EMC1: variants seen among roughly 807,000 people sequenced by gnomAD.
The protein encoded by EMC1 is KIAA0090.
Under a neutral mutation model 128.8 loss-of-function variants are expected in EMC1, and 103 were observed. The ratio of observed to expected loss-of-function variants is 0.80; its 90% CI spans 0.68 to 0.94. The LOEUF (loss-of-function observed/expected upper bound fraction) is 0.94, where lower values mean the gene tolerates loss of function less well. EMC1 is among the 40% of genes least tolerant of loss of function. The pLI is 0.00. For synonymous variants in EMC1, 442 were observed against 490.4 expected, an observed-to-expected ratio of 0.90 and a Z score of 1.30; for missense variants, 1,083 against 1,250.6, an observed-to-expected ratio of 0.87 and a Z score of 2.02.
At chr1:19,240,082 A>T in intron 7 of EMC1, 97 bp from the exon 8 acceptor site, 1 of 1,343,556 alleles carries the variant, frequency 7.4e-7, no homozygotes. Context: ...CGGGGGAAGT[A>T]ACTGGGCCAT....
At chr1:19,251,322 G>T in intron 1 of EMC1, 93 bp downstream of exon 1, 2 of 1,201,068 alleles carry the variant, frequency 1.7e-6, no homozygotes, top group Non-Finnish European at 2.4e-6. Flanking sequence ...AAATTATGCG[G>T]CCAATCCTGT....
At position 19,222,848 on chromosome 1, in the gene EMC1, A is replaced by T; in HGVS notation, c.2377-14T>A. ...CCAGTACTGGTACTGCAGGGATAGGAGGTGGCAGCTCAGGGCTTAGCAGCT... is the reference window on the plus strand; with the variant it reads ...CCAGTACTGGTACTGCAGGGATAGGTGGTGGCAGCTCAGGGCTTAGCAGCT... On this transcript the variant is annotated splice_polypyrimidine_tract_variant and intron_variant, in intron 19 of 22. Coordinates refer to ENST00000477853, the MANE Select transcript of EMC1 (RefSeq NM_015047.3). The T allele has an allele frequency of 6.3e-7, 1 of 1,589,456 alleles. No homozygotes were observed. Among genetic ancestry groups the T allele is most frequent in the Non-Finnish European group, 8.6e-7 (1 of 1,163,382 alleles).
At chr1:19,240,915 T>C in intron 6 of EMC1, 101 bp downstream of exon 6, 2 of 1,374,752 alleles carry the variant, frequency 1.5e-6, no homozygotes, top group South Asian at 2.7e-5. Flanking sequence ...TAAGTAGCTT[T>C]TGCATCTGCC....
chr1:19,222,615 G>C lies in EMC1; in HGVS notation c.2587+9C>G, dbSNP rs1558091455. 1 of 1,612,786 alleles carries C rather than the reference G, an allele frequency of 6.2e-7. No homozygotes were observed. The highest frequency in any genetic ancestry group is 1.1e-5 in the South Asian group (1 of 91,002). ...ACCCAGCCATCCCAGAGGCTCCCCA[G>C]TCACTCACTCAGCAGGTGTCGGCTG... is the stretch of plus-strand genomic sequence containing the variant. On this transcript the variant is annotated intron_variant, in intron 20 of 22. Coordinates refer to ENST00000477853, the MANE Select transcript of EMC1 (RefSeq NM_015047.3).
chr1:19,242,998 G>C (rs565184109), intron 4 of EMC1, among the ~76,000 whole-genome samples: 1 of 152,352 alleles, frequency 6.6e-6, no homozygotes, highest in East Asian at 1.9e-4. Flanking sequence ...AACACTTTGA[G>C]AGGCTGAGGT....
chr1:19,250,947 C>T (rs923074924), intron 1 of EMC1, among the ~76,000 whole-genome samples: 2 of 152,308 alleles, frequency 1.3e-5, no homozygotes, highest in Middle Eastern at 3.4e-3. Flanking sequence ...AGCCCAGGGC[C>T]AGACTAGGTT....
intron 20 of EMC1, 118 bp downstream of exon 20, chr1:19,222,503 TCAC>T: frequency 5.9e-6 from 5 of 846,082 alleles, no homozygotes; most frequent in Non-Finnish European, 9.6e-6. Flanking sequence ...ATAGCCCTCC[TCAC>T]CACCTTTCCC....
In EMC1 at chr1:19,232,756, G is replaced by A. The variant is rs553853675; in HGVS notation, c.1650C>T (p.Ser550=). The change falls in exon 15 of 23, where the codon AGC becomes AGT. Residue 550 remains serine (S), a synonymous_variant. Coordinates refer to ENST00000477853, the MANE Select transcript of EMC1 (RefSeq NM_015047.3). ...GTTTCCACAGGATGGTGCCAGAGCT[G>A]CTCTCAATGCCAAAAAGCTGCAAGA... ...TASGKLFGIE[S]SSGTILWKQY... 1 of 1,614,150 alleles carries A rather than the reference G, an allele frequency of 6.2e-7. No individual in the cohort carries two copies. The highest frequency in any genetic ancestry group is 1.1e-5 in the South Asian group (1 of 91,092).
chr1:19,237,601 C>T (rs2093575412), intron 11 of EMC1, among the ~76,000 whole-genome samples: 1 of 152,116 alleles, frequency 6.6e-6, no homozygotes, highest in Admixed American at 6.6e-5. Context: ...CAGATGCACA[C>T]AGAGGCAATA....
chr1:19,220,943 A>C, intron 20 of EMC1, 95 bp from the exon 21 acceptor site: 1 of 896,168 alleles, frequency 1.1e-6, no homozygotes, highest in South Asian at 1.7e-5. Context: ...ATAAGAATTT[A>C]AAACAAAAAA....
At chr1:19,249,026 C>T (rs1466415109) in intron 1 of EMC1, among the ~76,000 whole-genome samples, 1 of 151,674 alleles carries the variant, frequency 6.6e-6, no homozygotes, top group Non-Finnish European at 1.5e-5. Flanking sequence ...GATCCCATGT[C>T]AAAAATAAAT....
intron 1 of EMC1, among the ~76,000 whole-genome samples, chr1:19,248,450 C>T (rs2093641753): frequency 6.6e-6 from 1 of 152,036 alleles, no homozygotes; most frequent in Non-Finnish European, 1.5e-5. Context: ...GAGATGGAGT[C>T]TCGCTCTGTT....
chr1:19,244,059 C>A (rs2151962949), intron 2 of EMC1, 44 bp from the exon 3 acceptor site: 13 of 1,586,316 alleles, frequency 8.2e-6, no homozygotes, highest in Non-Finnish European at 1.1e-5. Flanking sequence ...CAAAAGGTGG[C>A]AACCCAGAAG....
intron 6 of EMC1, 189 bp downstream of exon 6, chr1:19,240,827 A>G (rs1160255985): frequency 3.0e-6 from 2 of 657,398 alleles, no homozygotes; most frequent in Admixed American, 5.6e-5. Context: ...ACCCCAGAAG[A>G]TAACACATGC....
chr1:19,237,059 G>C, intron 12 of EMC1, 83 bp downstream of exon 12: 1 of 968,832 alleles, frequency 1.0e-6, no homozygotes, highest in Non-Finnish European at 1.7e-6. Context: ...CCAGAAACCT[G>C]CAGCCTCCCA....
At chr1:19,220,436 T>G (rs2093422791) in intron 21 of EMC1, 1 of 188,136 alleles carries the variant, frequency 5.3e-6, no homozygotes, top group African/African-American at 2.3e-5. Context: ...AAAATGCACC[T>G]TCTCAAAGGG....
At chr1:19,231,237 C>T (rs749624995) in intron 16 of EMC1, 24 bp downstream of exon 16, 179 of 1,575,176 alleles carry the variant, frequency 1.1e-4, no homozygotes, top group Non-Finnish European at 1.5e-4. Context: ...CTAGCATGTT[C>T]TCCATCCCCT....
At chr1:19,233,933 G>C (rs947533) in intron 13 of EMC1, among the ~76,000 whole-genome samples, 28,971 of 152,098 alleles carry the variant, frequency 0.19, 3,566 homozygotes, top group African/African-American at 0.34. Context: ...TAGCGTGGTG[G>C]CTGGTACATG....
At chr1:19,240,942 T>C in intron 6 of EMC1, 74 bp downstream of exon 6, 1 of 1,542,180 alleles carries the variant, frequency 6.5e-7, no homozygotes, top group South Asian at 1.2e-5. Flanking sequence ...AGTTCCCTGT[T>C]CCCCAGTACA....
Sources: gnomAD v4.1 joint callset for allele counts (sites outside exome capture counted in the v4.1 genomes callset) on GRCh38, gnomAD v4.1.1 for gene constraint, MANE v1.5 for transcripts, NCBI Gene and HGNC (gene_info 2026-07-23, HGNC 2026-07-21) for gene names.